Variants in TENM4 observed in about 807,000 individuals in gnomAD.
TENM4 encodes the protein teneurin transmembrane protein 4, also known as teneurin-4.
A neutral mutation model predicts 243.3 loss-of-function variants in TENM4; 82 were observed. The observed-to-expected ratio is 0.34, with a 90% CI of 0.28 to 0.40. TENM4 has a LOEUF of 0.40. Ranked by LOEUF, TENM4 falls within the 10% of genes least tolerant of loss-of-function variation. The pLI is 1.00. For synonymous variants in TENM4, 1,412 were observed against 1,456.3 expected, an observed-to-expected ratio of 0.97 and a Z score of 0.69; for missense variants, 3,138 against 3,673.3, an observed-to-expected ratio of 0.85 and a Z score of 3.77.
At chr11:79,204,614 C>T (rs1322051796) in intron 3 of TENM4, among the ~76,000 whole-genome samples, 1 of 152,126 alleles carries the variant, frequency 6.6e-6, no homozygotes, top group Non-Finnish European at 1.5e-5. Flanking sequence ...AATGCAGAGC[C>T]ATAGATAGGC....
intron 31 of TENM4, 81 bp downstream of exon 31, chr11:78,671,952 G>A: frequency 6.7e-7 from 1 of 1,500,322 alleles, no homozygotes; most frequent in Non-Finnish European, 9.0e-7. Context: ...ACAGCCCACT[G>A]AGGCCACCAG....
chr11:79,155,355 CT>C (rs553666524), intron 3 of TENM4, among the ~76,000 whole-genome samples: 609 of 140,374 alleles, frequency 4.3e-3, no homozygotes, highest in Non-Finnish European at 4.0e-3. Context: ...CTCTCTCTCT[CT>C]TTTTTTTTTT....
At chr11:79,074,267 G>A (rs755036755) in intron 4 of TENM4, among the ~76,000 whole-genome samples, 10 of 152,184 alleles carry the variant, frequency 6.6e-5, no homozygotes, top group Non-Finnish European at 1.3e-4. Flanking sequence ...AGAAAGAAGA[G>A]GTTGGGGTGA....
At position 78,657,853 on chromosome 11, in the gene TENM4, C is replaced by A; in HGVS notation, c.*205G>T. The A allele has an allele frequency of 1.4e-6, 1 of 706,990 alleles. No homozygotes were observed. Among genetic ancestry groups the A allele is most frequent in the Non-Finnish European group, 2.4e-6 (1 of 419,628 alleles). The allele number at this position is 706,990 out of a possible 1,614,324, so 43.8% of individuals were successfully genotyped here. On this transcript the variant is annotated 3_prime_UTR_variant, in exon 34 of 34. Coordinates refer to ENST00000278550, the MANE Select transcript of TENM4 (RefSeq NM_001098816.3). ...TGTGATCACACTACAGAAAAAAATA[C>A]CTTCTGTTCTTTGCAAAAAATGTGC...
chr11:79,251,244 AG>A (rs1855604956), intron 2 of TENM4, among the ~76,000 whole-genome samples: 1 of 152,212 alleles, frequency 6.6e-6, no homozygotes, highest in Non-Finnish European at 1.5e-5. Context: ...GGACCTTGGA[AG>A]GGTTTCCTCC....
At chr11:78,724,036 C>G (rs1855458968) in intron 23 of TENM4, among the ~76,000 whole-genome samples, 1 of 151,242 alleles carries the variant, frequency 6.6e-6, no homozygotes, top group African/African-American at 2.4e-5. Flanking sequence ...TCCCTCCCTT[C>G]CTTTCTCCTC....
intron 6 of TENM4, among the ~76,000 whole-genome samples, chr11:78,930,508 T>C (rs1453892022): frequency 2.0e-5 from 3 of 152,188 alleles, no homozygotes; most frequent in African/African-American, 7.2e-5. Context: ...TACTCATCCA[T>C]TAGCTGTGTA....
At chr11:79,147,121 C>T (rs1292636713) in intron 4 of TENM4, among the ~76,000 whole-genome samples, 5 of 152,124 alleles carry the variant, frequency 3.3e-5, no homozygotes, top group Non-Finnish European at 7.4e-5. Context: ...TCTGAGTTCC[C>T]CCCTTTCTTC....
At chr11:79,167,106 C>A (rs150197977) in intron 3 of TENM4, among the ~76,000 whole-genome samples, 1 of 151,494 alleles carries the variant, frequency 6.6e-6, no homozygotes, top group African/African-American at 2.4e-5. Flanking sequence ...TGGGGAGAGG[C>A]GGTTCAGGCC....
intron 16 of TENM4, among the ~76,000 whole-genome samples, chr11:78,783,252 C>T (rs185494715): frequency 1.1e-4 from 16 of 152,278 alleles, no homozygotes; most frequent in Admixed American, 4.6e-4. Context: ...CCATAAAACT[C>T]CTTGAAAAGA....
intron 12 of TENM4, 144 bp downstream of exon 12, chr11:78,853,960 C>A (rs1858609498): frequency 2.6e-6 from 2 of 769,482 alleles, no homozygotes. Flanking sequence ...GTGTAGCAGG[C>A]CCAGTCAGGA....
intron 3 of TENM4, among the ~76,000 whole-genome samples, chr11:79,153,196 C>T (rs1038806742): frequency 6.6e-6 from 1 of 152,128 alleles, no homozygotes; most frequent in Non-Finnish European, 1.5e-5. Context: ...CAATTCAAAA[C>T]CCTTTTATAA....
intron 10 of TENM4, among the ~76,000 whole-genome samples, chr11:78,856,578 C>T (rs1014230934): frequency 1.3e-5 from 2 of 152,012 alleles, no homozygotes; most frequent in Non-Finnish European, 1.5e-5. Context: ...GATGGGGGAA[C>T]AAAGTGTTAT....
At chr11:78,778,401 TC>T (rs1310260212) in intron 17 of TENM4, among the ~76,000 whole-genome samples, 200 bp downstream of exon 17, 1 of 152,128 alleles carries the variant, frequency 6.6e-6, no homozygotes, top group Non-Finnish European at 1.5e-5. Context: ...AGAATGACAC[TC>T]CAGGTATATC....
At chr11:79,151,564 T>C (rs1333799338) in intron 3 of TENM4, among the ~76,000 whole-genome samples, 1 of 152,148 alleles carries the variant, frequency 6.6e-6, no homozygotes, top group Non-Finnish European at 1.5e-5. Context: ...TCAAGGACAG[T>C]CATCCATGGG....
At chr11:79,415,730 T>C (rs1858798337) in intron 1 of TENM4, among the ~76,000 whole-genome samples, 1 of 152,206 alleles carries the variant, frequency 6.6e-6, no homozygotes, top group South Asian at 2.1e-4. Context: ...TAAACATACT[T>C]TATTGAGCTA....
At chr11:78,670,676 T>C (rs1858300981) in intron 31 of TENM4, 125 bp from the exon 32 acceptor site, 1 of 976,868 alleles carries the variant, frequency 1.0e-6, no homozygotes, top group Non-Finnish European at 1.5e-6. Context: ...CATGGTTCTC[T>C]TGAGTTATGC....
intron 10 of TENM4, among the ~76,000 whole-genome samples, chr11:78,858,350 CTT>C (rs55925050): frequency 0.25 from 37,899 of 151,620 alleles, 5,079 homozygotes; most frequent in Middle Eastern, 0.34. Flanking sequence ...GAGAAATTGT[CTT>C]GAGTGTGTAT....
At chr11:78,665,678 T>G (rs150946259) in intron 32 of TENM4, among the ~76,000 whole-genome samples, 26 of 152,356 alleles carry the variant, frequency 1.7e-4, no homozygotes, top group Admixed American at 2.6e-4. Context: ...TTGCCACTTC[T>G]TAGTGGGCCA....
Sources: gnomAD v4.1 joint callset for allele counts (sites outside exome capture counted in the v4.1 genomes callset) on GRCh38, gnomAD v4.1.1 for gene constraint, MANE v1.5 for transcripts, NCBI Gene and HGNC (gene_info 2026-07-23, HGNC 2026-07-21) for gene names.